Variants in PKD2 observed in about 807,000 individuals in gnomAD.
PKD2 encodes polycystin 2, transient receptor potential cation channel.
Under a neutral mutation model 105.9 loss-of-function variants are expected in PKD2, and 48 were observed. The ratio of observed to expected loss-of-function variants is 0.45; its 90% confidence interval spans 0.36 to 0.58. The LOEUF (loss-of-function observed/expected upper bound fraction) is 0.58, where lower values mean the gene tolerates loss of function less well. Among genes scored for constraint, PKD2 ranks in the 20% least tolerant of loss-of-function variants. PKD2 has a pLI of 0.00. For missense variants in PKD2, 1,078 were observed against 1,255.3 expected, an observed-to-expected ratio of 0.86 and a Z score of 2.13; for synonymous variants, 464 against 481.1, an observed-to-expected ratio of 0.96 and a Z score of 0.46.
At chr4:88,060,666 A>G (rs1720539067) in intron 9 of PKD2, among the ~76,000 whole-genome samples, 1 of 152,132 alleles carries the variant, frequency 6.6e-6, no homozygotes, top group African/African-American at 2.4e-5. Context: ...CAAAGTAAAA[A>G]AAAAGTTGGT....
chr4:88,043,984 A>G lies in PKD2; in HGVS notation c.1319+527A>G, dbSNP rs533358997. ...CTTCCACAGATCCTGGGATGTTGCCATGATGACCCCTCTGTGAGATAGTAA... is the reference window on the plus strand; with the variant it reads ...CTTCCACAGATCCTGGGATGTTGCCGTGATGACCCCTCTGTGAGATAGTAA... On this transcript the variant is annotated intron_variant, in intron 5 of 14. Transcript: ENST00000237596. Among the ~76,000 whole-genome samples, 171 of 152,204 alleles carry G rather than the reference A, an allele frequency of 1.1e-3. 1 individual carries two copies. Among genetic ancestry groups the G allele is most frequent in the Non-Finnish European group, 1.9e-3 (131 of 68,026 alleles).
At chr4:88,069,997 T>C (rs778139416) in intron 13 of PKD2, among the ~76,000 whole-genome samples, 4 of 152,244 alleles carry the variant, frequency 2.6e-5, no homozygotes, top group Admixed American at 2.0e-4. Context: ...TACACAGTTA[T>C]CTTTACCAGT....
Position 88,036,325 on chromosome 4 carries a change from CT to C in PKD2, c.816del (p.Leu273CysfsTer44). 6.2e-7 allele frequency: 1 copy of C among 1,613,962 alleles called. No homozygotes were observed. Among genetic ancestry groups the C allele is most frequent in the Non-Finnish European group, 8.5e-7 (1 of 1,179,810 alleles). ...VSKTEKTNFK[T>X]LSSMEDFWKF... ...AAAACGGAGAAAACTAACTTTAAAA[CT>C]CTGTCTTCCATGGAAGACTTCTGGA... is the stretch of plus-strand genomic sequence containing the variant. On this transcript the variant is annotated frameshift_variant, in exon 3 of 15. Coordinates refer to ENST00000237596, the MANE Select transcript of PKD2 (RefSeq NM_000297.4). LOFTEE classifies it high-confidence loss of function.
In PKD2 at chr4:88,008,022, G is replaced by A. The variant is rs1578111365; in HGVS notation, c.289G>A (p.Glu97Lys). 5 of 1,216,992 alleles carry A rather than the reference G, an allele frequency of 4.1e-6. No homozygotes were observed. The highest frequency in any genetic ancestry group is 5.4e-6 in the Non-Finnish European group (5 of 926,540). 75.4% of individuals were successfully genotyped at this position (1,216,992 alleles called of 1,614,324 possible). A position where few individuals can be genotyped will look rare whatever the true frequency, so the allele number is the denominator to read the frequency against. Residue 97 changes from glutamate (E) to lysine (K), a missense_variant, in exon 1 of 15, where the codon GAG (glutamate) becomes AAG (lysine). This residue lies in a region of PKD2 where 210 missense variants were observed against 187.9 expected (regional missense o/e 1.12). Transcript: ENST00000237596. ...WSRDNPGFEA[E>K]EEEEEVEGEE... ...CCGCGATAACCCCGGCTTCGAGGCC[G>A]AGGAGGAGGAGGAGGAGGTGGAAGG...
chr4:88,074,204 G>A lies in PKD2; in HGVS notation c.2523-608G>A, dbSNP rs376981490. On this transcript the variant is annotated intron_variant, in intron 13 of 14. Coordinates refer to ENST00000237596, the MANE Select transcript of PKD2 (RefSeq NM_000297.4). ...CACCCAGGCTGGAGTGCAGGAGTGC[G>A]GTGGAATGATCACGGCTCACTGCAG... Among the ~76,000 whole-genome samples, 110 of 152,186 alleles carry A rather than the reference G, an allele frequency of 7.2e-4. No homozygotes were observed. The South Asian group carries it at 9.1e-3, about 13-fold the overall frequency.
At chr4:88,065,343 C>G in intron 10 of PKD2, 31 bp from the exon 11 acceptor site, 1 of 1,602,926 alleles carries the variant, frequency 6.2e-7, no homozygotes. Context: ...ATACACTAAA[C>G]CAAGTCTTTT....
intron 4 of PKD2, among the ~76,000 whole-genome samples, chr4:88,040,459 T>C (rs147208721): frequency 3.9e-4 from 59 of 152,336 alleles, no homozygotes; most frequent in African/African-American, 1.3e-3. Context: ...AAAGGGGACC[T>C]TCCCTGTCAT....
Position 88,056,217 on chromosome 4 carries a change from C to T in PKD2, c.1848C>T (p.Tyr616=). The change falls in exon 8 of 15, where the codon TAC becomes TAT. Residue 616 remains tyrosine (Y), a synonymous_variant. Coordinates refer to ENST00000237596, the MANE Select transcript of PKD2 (RefSeq NM_000297.4). ...TCCTAGCGTATGCTCAGTTGGCATA[C>T]CTTGTCTTTGGCACTCAGGTCGATG... is the stretch of plus-strand genomic sequence containing the variant. ...IIFLAYAQLA[Y]LVFGTQVDDF... 6.2e-7 allele frequency: 1 copy of T among 1,613,522 alleles called. No individual in the cohort carries two copies.
At chr4:88,036,903 G>C (rs1727353412) in intron 3 of PKD2, among the ~76,000 whole-genome samples, 1 of 152,208 alleles carries the variant, frequency 6.6e-6, no homozygotes, top group South Asian at 2.1e-4. Flanking sequence ...TCTTAGAACA[G>C]TGCTTGATTC....
At chr4:88,025,982 T>C (rs1051328589) in intron 2 of PKD2, among the ~76,000 whole-genome samples, 3 of 152,190 alleles carry the variant, frequency 2.0e-5, no homozygotes, top group African/African-American at 7.2e-5. Context: ...CTCTTTCCTT[T>C]ATAAATTACC....
chr4:88,038,571 T>C, intron 4 of PKD2, 70 bp downstream of exon 4: 1 of 1,505,258 alleles, frequency 6.6e-7, no homozygotes, highest in African/African-American at 1.4e-5. Flanking sequence ...CACCATTCAT[T>C]CATTCATTCC....
intron 2 of PKD2, among the ~76,000 whole-genome samples, chr4:88,031,553 T>TA (rs1478979147): frequency 1.7e-4 from 26 of 152,326 alleles, no homozygotes; most frequent in African/African-American, 6.0e-4. Context: ...TTTATATATC[T>TA]AGTACAGTTA....
rs10516804 is a variant in PKD2, at chr4:88,065,902, G to A, written c.2358+23G>A. ...AGGGTGGGTCTGGTTTAGGAGAACC[G>A]GATTTGATTTGGTACCTACAACACC... On this transcript the variant is annotated intron_variant, in intron 12 of 14. Transcript: ENST00000237596. 2.1e-3 allele frequency: 2,794 copies of A among 1,358,934 alleles called. 34 individuals carry two copies. In the African/African-American group the frequency reaches 0.033, roughly 16 times the overall value. The allele number at this position is 1,358,934 out of a possible 1,614,324, so 84.2% of individuals were successfully genotyped here.
chr4:88,018,884 G>T (rs763060300), intron 1 of PKD2, among the ~76,000 whole-genome samples: 1 of 152,216 alleles, frequency 6.6e-6, no homozygotes, highest in Non-Finnish European at 1.5e-5. Context: ...TCACCATGGA[G>T]TTTTTTAATA....
chr4:88,063,886 G>T (rs377128834), intron 10 of PKD2, among the ~76,000 whole-genome samples: 1 of 151,106 alleles, frequency 6.6e-6, no homozygotes, highest in African/African-American at 2.4e-5. Context: ...TGGACATGGT[G>T]GCTTACTCCT....
chr4:88,044,552 G>A (rs1305485967), intron 5 of PKD2, among the ~76,000 whole-genome samples: 4 of 152,112 alleles, frequency 2.6e-5, no homozygotes, highest in Non-Finnish European at 5.9e-5. Flanking sequence ...AGACCAGAAT[G>A]TTTGAGATTT....
chr4:88,009,898 C>A (rs2728116), intron 1 of PKD2, among the ~76,000 whole-genome samples: 82,124 of 151,956 alleles, frequency 0.54, 23,493 homozygotes, highest in African/African-American at 0.72. Flanking sequence ...TTGATAACAC[C>A]CCTAACCTTG....
At chr4:88,051,847 G>C in intron 6 of PKD2, 144 bp from the exon 7 acceptor site, 1 of 599,486 alleles carries the variant, frequency 1.7e-6, no homozygotes, top group Non-Finnish European at 3.0e-6. Flanking sequence ...ATTTGAGTGA[G>C]TGACTTTTAA....
Position 88,017,181 on chromosome 4 carries a change from G to T in PKD2, c.596-2277G>T, listed in dbSNP as rs112916126. On this transcript the variant is annotated intron_variant, in intron 1 of 14. Coordinates refer to ENST00000237596, the MANE Select transcript of PKD2 (RefSeq NM_000297.4). The stretch of plus-strand genomic sequence containing the variant: ...TCTGCAAAAAATCAAAAAATGAGGC[G>T]GAAGGATGGCTTGAGCCCAGGAGAT... 2.2e-4 allele frequency among the ~76,000 whole-genome samples: 33 copies of T among 152,042 alleles called. No homozygotes were observed. The South Asian group carries it at 2.5e-3, about 11-fold the overall frequency.
Sources: allele counts gnomAD v4.1 joint callset (sites outside exome capture counted in the v4.1 genomes callset), GRCh38; gene constraint gnomAD v4.1.1; regional missense constraint gnomAD v4.1.1; transcripts MANE v1.5; gene names NCBI Gene and HGNC (gene_info 2026-07-23, HGNC 2026-07-21).